Variants in SLC26A1 observed in about 807,000 individuals in gnomAD.
SLC26A1 encodes sulfate anion transporter 1.
SLC26A1 carries 18 observed loss-of-function variants against 14.5 expected under a neutral mutation model. The ratio of observed to expected loss-of-function variants is 1.24; its 90% CI spans 0.86 to 1.84. SLC26A1 has a LOEUF of 1.84. Ranked by LOEUF, SLC26A1 falls within the 40% of genes most tolerant of loss-of-function variation. SLC26A1 has a pLI of 0.00. For missense variants in SLC26A1, 1,049 were observed against 1,020.0 expected (o/e 1.03, Z -0.39); for synonymous variants, 505 against 492.0 (o/e 1.03, Z -0.35).
At chr4:979,675 C>G (rs929964961) in intron 2 of SLC26A1, among the ~76,000 whole-genome samples, 1 of 152,216 alleles carries the variant, frequency 6.6e-6, no homozygotes, top group Non-Finnish European at 1.5e-5. Context: ...GGAATTTTGG[C>G]TTAGCACCTT....
chr4:984,307 C>G (rs1050293500), downstream of SLC26A1, among the ~76,000 whole-genome samples: 3 of 152,268 alleles, frequency 2.0e-5, no homozygotes, highest in Admixed American at 6.5e-5. Context: ...AGAAAAGTTG[C>G]AATAACAGTA....
chr4:982,882 A>AC (rs1011176763), downstream of SLC26A1, among the ~76,000 whole-genome samples: 1 of 151,610 alleles, frequency 6.6e-6, no homozygotes, highest in African/African-American at 2.4e-5. Flanking sequence ...TCTGTGTCAA[A>AC]CCCCCCTCCG....
intron 2 of SLC26A1, chr4:979,550 G>A (rs1320670189): frequency 5.6e-6 from 9 of 1,606,578 alleles, no homozygotes; most frequent in African/African-American, 2.7e-5. Context: ...CCGCTGACCC[G>A]CTGACGTCTC....
intron 2 of SLC26A1, among the ~76,000 whole-genome samples, chr4:980,087 A>G (rs1193158647): frequency 1.3e-5 from 2 of 152,218 alleles, no homozygotes; most frequent in Non-Finnish European, 2.9e-5. Flanking sequence ...CAGGGTGGAC[A>G]CTGCCAGGTG....
chr4:981,633 G>A (rs991049408), intron 2 of SLC26A1, among the ~76,000 whole-genome samples: 6 of 148,882 alleles, frequency 4.0e-5, no homozygotes, highest in African/African-American at 1.5e-4. Flanking sequence ...GCAAGACCCC[G>A]TCTAAAAACA....
At position 989,409 on chromosome 4, in the gene SLC26A1, G is replaced by A. The variant is rs373321958; in HGVS notation, c.1530C>T (p.Thr510=). ...TGTCCCCGATGCGGGCCAGCAGGGC[G>A]GTGCGTGGGCGTTGGGTGCGGCCGG... ...SLAGRTQRPR[T]ALLARIGDTA... Residue 510 remains threonine, a synonymous_variant, in exon 3 of 3, where the codon ACC becomes ACT. Transcript: ENST00000398516. 4.9e-5 allele frequency: 76 copies of A among 1,560,800 alleles called. No homozygotes were observed. The highest frequency in any genetic ancestry group is 3.8e-4 in the South Asian group (32 of 85,272).
Position 988,070 on chromosome 4 carries a change from T to C in SLC26A1, c.*763A>G, listed in dbSNP as rs1181996518. On this transcript the variant is annotated 3_prime_UTR_variant, in exon 3 of 3. Coordinates refer to ENST00000398516, the MANE Select transcript of SLC26A1 (RefSeq NM_022042.4). ...CCCACCTCCCGCCGAAGCACCCTGT[T>C]GGGGAGAGCGTGTCCTTGCTGGCTG... is the stretch of plus-strand genomic sequence containing the variant. 12 of 1,464,698 alleles carry C rather than the reference T, an allele frequency of 8.2e-6. No individual in the cohort carries two copies. The highest frequency in any genetic ancestry group is 1.1e-5 in the Non-Finnish European group (12 of 1,106,454). The allele number at this position is 1,464,698 out of a possible 1,614,324, so 90.7% of individuals were successfully genotyped here.
intron 2 of SLC26A1, among the ~76,000 whole-genome samples, chr4:982,543 A>G (rs1376877194): frequency 6.6e-6 from 1 of 152,218 alleles, no homozygotes; most frequent in Non-Finnish European, 1.5e-5. Flanking sequence ...GGACGCCCCC[A>G]GTGAAAGGCG....
intron 2 of SLC26A1, among the ~76,000 whole-genome samples, chr4:981,119 G>A (rs893545247): frequency 3.3e-5 from 5 of 152,210 alleles, no homozygotes; most frequent in Non-Finnish European, 7.3e-5. Context: ...CAGCCACCTG[G>A]AAGCCGCAGT....
At chr4:987,021 T>C (rs1473070711), downstream of SLC26A1, 3 of 1,306,240 alleles carry the variant, frequency 2.3e-6, no homozygotes, top group Admixed American at 2.3e-5. Flanking sequence ...GCGCCCAGAC[T>C]CCGACCCGGA....
Position 988,956 on chromosome 4 carries a change from G to C in SLC26A1, c.1983C>G (p.Gly661=), listed in dbSNP as rs772722543. Residue 661 remains glycine (G), a synonymous_variant, in exon 3 of 3, where the codon GGC becomes GGG. Transcript: ENST00000398516. The stretch of plus-strand genomic sequence containing the variant: ...TGTCCCCGGGGCCCTCCCCGAGGAA[G>C]CCTCCTCTGCTCAGAATGTCTCTCA... ...PPVRDILSRG[G]FLGEGPGDTA... is the part of the protein sequence containing the mutation. 1.3e-6 allele frequency: 2 copies of C among 1,595,854 alleles called. No homozygotes were observed. Among genetic ancestry groups the C allele is most frequent in the Non-Finnish European group, 1.7e-6 (2 of 1,171,944 alleles).
At position 991,651 on chromosome 4, in the gene SLC26A1, C is replaced by A; in HGVS notation, c.53G>T (p.Arg18Leu). Reference protein sequence around the residue: ...LQQGRGPVPVRRQRPAPRGLR... With the variant: ...LQQGRGPVPVLRQRPAPRGLR... ...ACCCCGGGGTGCTGGGCGCTGCCGT[C>A]GGACCGGCACCGGCCCTCTGCCCTG... Residue 18 changes from arginine (R) to leucine (L), a missense_variant, in exon 2 of 3, where the codon CGA becomes CTA. By Grantham distance (102) the Arg-to-Leu change is moderately radical. Coordinates refer to ENST00000398516, the MANE Select transcript of SLC26A1 (RefSeq NM_022042.4). 6.5e-7 allele frequency: 1 copy of A among 1,549,616 alleles called. No homozygotes were observed. The highest frequency in any genetic ancestry group is 1.7e-4 in the Middle Eastern group (1 of 5,836).
At chr4:990,539 G>A (rs980769860) in intron 2 of SLC26A1, 177 bp from the exon 3 acceptor site, 23 of 635,256 alleles carry the variant, frequency 3.6e-5, no homozygotes, top group South Asian at 2.2e-4. Flanking sequence ...GGTTCCACGC[G>A]TGCTCATGCC....
At position 989,379 on chromosome 4, in the gene SLC26A1, G is replaced by T; in HGVS notation, c.1560C>A (p.Ala520=). ...CGAACTCTGTGGCATCCTCGTAGAAGGCCGTGTCCCCGATGCGGGCCAGCA... is the reference window on the plus strand; with the variant it reads ...CGAACTCTGTGGCATCCTCGTAGAATGCCGTGTCCCCGATGCGGGCCAGCA... ...TALLARIGDT[A]FYEDATEFEG... is the part of the protein sequence containing the mutation. Residue 520 remains alanine (A), a synonymous_variant, in exon 3 of 3, where the codon GCC becomes GCA. Transcript: ENST00000398516. 2 of 1,579,414 alleles carry T rather than the reference G, an allele frequency of 1.3e-6. No individual in the cohort carries two copies. Among genetic ancestry groups the T allele is most frequent in the Non-Finnish European group, 1.7e-6 (2 of 1,163,062 alleles).
Position 989,110 on chromosome 4 carries a change from T to A in SLC26A1, c.1829A>T (p.His610Leu), listed in dbSNP as rs1713994220. Residue 610 changes from histidine (H) to leucine (L), a missense_variant, in exon 3 of 3, where the codon CAC becomes CTC. By Grantham distance (99) the His-to-Leu change is moderately conservative. Coordinates refer to ENST00000398516, the MANE Select transcript of SLC26A1 (RefSeq NM_022042.4). ...AALVPAAAGF[H>L]TVVIDCAPLL... ...CGGGGCGCAGTCGATGACCACTGTG[T>A]GGAAGCCGGCCGCTGCGGGCACCAG... The A allele has an allele frequency of 6.2e-7, 1 of 1,605,022 alleles. No individual in the cohort carries two copies. Among genetic ancestry groups the A allele is most frequent in the Non-Finnish European group, 8.5e-7 (1 of 1,176,160 alleles).
chr4:984,628 C>T (rs1007851681), downstream of SLC26A1, among the ~76,000 whole-genome samples: 1 of 151,962 alleles, frequency 6.6e-6, no homozygotes, highest in Non-Finnish European at 1.5e-5. Context: ...GTCAGGAGGT[C>T]GAGACCAGCC....
chr4:991,629 C>T lies in SLC26A1; in HGVS notation c.75G>A (p.Arg25=), dbSNP rs1223955127. The change falls in exon 2 of 3, where the codon CGG becomes CGA. Residue 25 remains arginine (R), a synonymous_variant. Coordinates refer to ENST00000398516, the MANE Select transcript of SLC26A1 (RefSeq NM_022042.4). ...TGGCCTTCAGCATCTCACGCAGACC[C>T]CGGGGTGCTGGGCGCTGCCGTCGGA... The part of the protein sequence containing the change: ...VPVRRQRPAP[R]GLREMLKARL... 1.9e-6 allele frequency: 3 copies of T among 1,577,158 alleles called. No individual in the cohort carries two copies. Among genetic ancestry groups the T allele is most frequent in the Non-Finnish European group, 2.6e-6 (3 of 1,167,846 alleles).
rs768886169 is a variant in SLC26A1 at position 990,092 on chromosome 4, G to T, written c.847C>A (p.Arg283Ser). ...GGCACCCTCAGGCGGTGTCGGTAGC[G>T]GTCTGAGAGCTCCTTCGCGGCTAGC... is the stretch of plus-strand genomic sequence containing the variant. ...VLLAAKELSD[R>S]YRHRLRVPLP... is the part of the protein sequence containing the mutation. Residue 283 changes from arginine to serine, a missense_variant, in exon 3 of 3, where the codon CGC (arginine) becomes AGC (serine). Coordinates refer to ENST00000398516, the MANE Select transcript of SLC26A1 (RefSeq NM_022042.4). The T allele has an allele frequency of 6.3e-7, 1 of 1,596,890 alleles. No homozygotes were observed. The highest frequency in any genetic ancestry group is 8.5e-7 in the Non-Finnish European group (1 of 1,173,710).
rs549093377 is a variant in SLC26A1 at position 989,578 on chromosome 4, A to G, written c.1361T>C (p.Leu454Pro). Residue 454 changes from leucine (L) to proline (P), a missense_variant, in exon 3 of 3, where the codon CTG (leucine) becomes CCG (proline). Leu to Pro is a moderately conservative substitution (Grantham distance 98). Transcript: ENST00000398516. ...CCGCGGGAGGTCCCACACCTTGCGC[A>G]GGGCCCCCCGCAGGCTGACCACGAT... is the stretch of plus-strand genomic sequence containing the variant. ...CVIVVSLRGALRKVWDLPRLW... is the reference protein window; with the variant it reads ...CVIVVSLRGAPRKVWDLPRLW... 3 of 1,596,206 alleles carry G rather than the reference A, an allele frequency of 1.9e-6. No individual in the cohort carries two copies. Among genetic ancestry groups the G allele is most frequent in the Admixed American group, 1.7e-5 (1 of 57,702 alleles).
Sources: allele counts gnomAD v4.1 joint callset (sites outside exome capture counted in the v4.1 genomes callset), GRCh38; gene constraint gnomAD v4.1.1; transcripts MANE v1.5; gene names NCBI Gene and HGNC (gene_info 2026-07-23, HGNC 2026-07-21).